ARHGAP15: variants seen among roughly 807,000 people sequenced by gnomAD.
ARHGAP15 encodes rho GTPase-activating protein 15.
ARHGAP15 carries 51 observed loss-of-function variants against 63.7 expected under a neutral mutation model. The ratio of observed to expected loss-of-function variants is 0.80; its 90% CI spans 0.64 to 1.01. ARHGAP15 has a LOEUF of 1.01. Ranked by LOEUF, ARHGAP15 falls within the 50% of genes least tolerant of loss-of-function variation. The probability of loss-of-function intolerance (pLI) is 0.00; values close to 1 mark genes in which losing one functional copy is unlikely to be tolerated. For missense variants in ARHGAP15, 560 were observed against 564.6 expected (o/e 0.99, Z 0.08); for synonymous variants, 191 against 193.8 (o/e 0.99, Z 0.12).
At chr2:143,207,430 A>G (rs1692375013) in intron 3 of ARHGAP15, among the ~76,000 whole-genome samples, 2 of 151,584 alleles carry the variant, frequency 1.3e-5, no homozygotes, top group African/African-American at 4.8e-5. Context: ...GCATACCCGA[A>G]TATTTTTCTG....
At chr2:143,566,530 T>G (rs1221093484) in intron 11 of ARHGAP15, among the ~76,000 whole-genome samples, 1 of 152,112 alleles carries the variant, frequency 6.6e-6, no homozygotes, top group East Asian at 1.9e-4. Context: ...TGTGAATTAG[T>G]GGGAAAATAC....
intron 6 of ARHGAP15, among the ~76,000 whole-genome samples, chr2:143,268,618 ATGTAAT>A (rs1681116098): frequency 6.6e-6 from 1 of 152,172 alleles, no homozygotes; most frequent in African/African-American, 2.4e-5. Context: ...GAGTTTGAAA[ATGTAAT>A]TAGTTAAATT....
intron 12 of ARHGAP15, among the ~76,000 whole-genome samples, chr2:143,650,439 A>G (rs1026247842): frequency 2.6e-5 from 4 of 151,928 alleles, no homozygotes; most frequent in Non-Finnish European, 5.9e-5. Context: ...ACCTGTAATC[A>G]TCTTTTCTGG....
chr2:143,379,251 C>T lies in ARHGAP15; in HGVS notation c.475-56350C>T, dbSNP rs570267209. Reference sequence around the variant, plus strand: ...CATGAGTAAATCACCATCCAAGCATCCAAGCATAAATTTGCCTGTTGTTGC... The same window carrying T: ...CATGAGTAAATCACCATCCAAGCATTCAAGCATAAATTTGCCTGTTGTTGC... On this transcript the variant is annotated intron_variant, in intron 6 of 13. Transcript: ENST00000295095. 3.9e-5 allele frequency among the ~76,000 whole-genome samples: 6 copies of T among 151,946 alleles called. No individual in the cohort carries two copies. In the South Asian group the frequency reaches 1.2e-3, roughly 32 times the overall value.
At chr2:143,512,761 A>G (rs1428221295) in intron 9 of ARHGAP15, among the ~76,000 whole-genome samples, 1 of 152,250 alleles carries the variant, frequency 6.6e-6, no homozygotes, top group Non-Finnish European at 1.5e-5. Flanking sequence ...GCAAGGATAC[A>G]GAGTGCCTGG....
intron 9 of ARHGAP15, among the ~76,000 whole-genome samples, chr2:143,505,086 A>T (rs1364767862): frequency 1.3e-5 from 2 of 152,186 alleles, no homozygotes; most frequent in African/African-American, 4.8e-5. Flanking sequence ...AATTACACCT[A>T]GTCCCTGGGA....
intron 4 of ARHGAP15, among the ~76,000 whole-genome samples, chr2:143,227,912 C>T (rs1254870663): frequency 6.6e-6 from 1 of 152,040 alleles, no homozygotes; most frequent in Non-Finnish European, 1.5e-5. Flanking sequence ...TTAAAAAGCA[C>T]ATTTTCAAAT....
chr2:143,391,366 C>T (rs1687531920), intron 6 of ARHGAP15, among the ~76,000 whole-genome samples: 1 of 152,028 alleles, frequency 6.6e-6, no homozygotes, highest in South Asian at 2.1e-4. Context: ...GTATGTTACC[C>T]TTGTTGATTC....
intron 6 of ARHGAP15, among the ~76,000 whole-genome samples, chr2:143,279,156 G>T (rs1009443442): frequency 4.6e-5 from 7 of 152,100 alleles, no homozygotes; most frequent in African/African-American, 1.7e-4. Context: ...TGTAAAAGAT[G>T]TTATTATTTC....
chr2:143,242,467 T>C (rs1693901800), intron 5 of ARHGAP15, among the ~76,000 whole-genome samples: 2 of 152,242 alleles, frequency 1.3e-5, no homozygotes, highest in Middle Eastern at 3.2e-3. Context: ...AATCATTATA[T>C]TTATTCCAGC....
At chr2:143,652,382 C>T (rs1187177117) in intron 12 of ARHGAP15, among the ~76,000 whole-genome samples, 1 of 152,048 alleles carries the variant, frequency 6.6e-6, no homozygotes, top group African/African-American at 2.4e-5. Flanking sequence ...AAGTATACCG[C>T]AGGTCATAGT....
At chr2:143,744,684 T>A (rs1362582216) in intron 13 of ARHGAP15, among the ~76,000 whole-genome samples, 1 of 152,222 alleles carries the variant, frequency 6.6e-6, no homozygotes, top group East Asian at 1.9e-4. Context: ...ATAATCACTA[T>A]TGCAATAAAA....
At chr2:143,463,689 T>C (rs912763647) in intron 8 of ARHGAP15, among the ~76,000 whole-genome samples, 2 of 152,172 alleles carry the variant, frequency 1.3e-5, no homozygotes, top group African/African-American at 4.8e-5. Flanking sequence ...CCAGGATGAT[T>C]ATACAATGCC....
chr2:143,507,928 A>AC (rs1043754098), intron 9 of ARHGAP15, among the ~76,000 whole-genome samples: 37 of 148,920 alleles, frequency 2.5e-4, no homozygotes, highest in African/African-American at 9.1e-4. Context: ...ATATTTCACT[A>AC]CCCCCCTGAT....
chr2:143,494,693 T>A (rs1371261532), intron 9 of ARHGAP15, among the ~76,000 whole-genome samples: 1 of 152,210 alleles, frequency 6.6e-6, no homozygotes, highest in Non-Finnish European at 1.5e-5. Context: ...AGTTGTCCAC[T>A]CTTATTAAAG....
chr2:143,438,383 T>C (rs1282864213), intron 8 of ARHGAP15, among the ~76,000 whole-genome samples: 1 of 152,158 alleles, frequency 6.6e-6, no homozygotes, highest in Non-Finnish European at 1.5e-5. Flanking sequence ...CTCATACACA[T>C]ATGATAGGGA....
chr2:143,324,632 C>A (rs900568995), intron 6 of ARHGAP15, among the ~76,000 whole-genome samples: 3 of 152,020 alleles, frequency 2.0e-5, no homozygotes, highest in Non-Finnish European at 4.4e-5. Context: ...GGTTTTCAAG[C>A]CATAATCTTA....
chr2:143,425,024 C>T (rs1018633115), intron 6 of ARHGAP15, among the ~76,000 whole-genome samples: 1 of 152,060 alleles, frequency 6.6e-6, no homozygotes, highest in African/African-American at 2.4e-5. Context: ...GTGCCTTTTG[C>T]CTTCAGCATT....
intron 1 of ARHGAP15, among the ~76,000 whole-genome samples, chr2:143,144,010 T>G (rs1393138218): frequency 6.6e-6 from 1 of 152,092 alleles, no homozygotes; most frequent in Non-Finnish European, 1.5e-5. Context: ...AGTGAGAACA[T>G]GCAGTATTTG....
Sources: allele counts gnomAD v4.1 joint callset (sites outside exome capture counted in the v4.1 genomes callset), GRCh38; gene constraint gnomAD v4.1.1; transcripts MANE v1.5; gene names NCBI Gene and HGNC (gene_info 2026-07-23, HGNC 2026-07-21).